DPYD: variants seen among roughly 807,000 people sequenced by gnomAD.
DPYD encodes the protein dihydropyrimidine dehydrogenase [NADP(+)].
In DPYD, 109 loss-of-function variants were observed where a neutral mutation model predicts 116.2. The observed-to-expected ratio is 0.94, with a 90% confidence interval of 0.80 to 1.10. The LOEUF (loss-of-function observed/expected upper bound fraction) is 1.10. Ranked by LOEUF, DPYD falls within the 50% of genes least tolerant of loss-of-function variation. The pLI is 0.00. For missense variants in DPYD, 1,302 were observed against 1,254.5 expected (o/e 1.04, Z -0.57); for synonymous variants, 440 against 432.0 (o/e 1.02, Z -0.23).
At chr1:97,553,427 T>A (rs1364476332) in intron 11 of DPYD, among the ~76,000 whole-genome samples, 2 of 152,016 alleles carry the variant, frequency 1.3e-5, no homozygotes, top group Non-Finnish European at 2.9e-5. Flanking sequence ...ATCCTCATCA[T>A]TGTAACTGTT....
intron 3 of DPYD, among the ~76,000 whole-genome samples, chr1:97,766,092 T>G (rs976428822): frequency 2.0e-5 from 3 of 151,910 alleles, no homozygotes; most frequent in Non-Finnish European, 4.4e-5. Flanking sequence ...ACACAAAAAA[T>G]TAGCCATGCG....
At chr1:97,128,070 C>T (rs2101659900) in intron 20 of DPYD, among the ~76,000 whole-genome samples, 1 of 152,242 alleles carries the variant, frequency 6.6e-6, no homozygotes, top group Non-Finnish European at 1.5e-5. Flanking sequence ...ATTAGTATTT[C>T]TATTCTGTAT....
intron 10 of DPYD, among the ~76,000 whole-genome samples, chr1:97,589,160 A>C (rs904206747): frequency 6.6e-6 from 1 of 152,242 alleles, no homozygotes; most frequent in Non-Finnish European, 1.5e-5. Context: ...TTGTCACTAC[A>C]GAGTCTATTG....
chr1:97,862,147 A>C lies in DPYD; in HGVS notation c.150+21117T>G, dbSNP rs575145976. On this transcript the variant is annotated intron_variant, in intron 2 of 22. Coordinates refer to ENST00000370192, the MANE Select transcript of DPYD (RefSeq NM_000110.4). ...TTTTTTAAAGGGGAATTTTCCTCCTAAATCACTACAGAAGACAATAAAATA... is the reference window on the plus strand; with the variant it reads ...TTTTTTAAAGGGGAATTTTCCTCCTCAATCACTACAGAAGACAATAAAATA... Among the ~76,000 whole-genome samples, 185 of 152,072 alleles carry C rather than the reference A, an allele frequency of 1.2e-3. No individual in the cohort carries two copies. In the Middle Eastern group the frequency reaches 0.024, roughly 20 times the overall value.
chr1:97,828,141 T>C lies in DPYD; in HGVS notation c.206A>G (p.Glu69Gly), dbSNP rs1257265643. Residue 69 changes from glutamate (E) to glycine (G), a missense_variant, in exon 3 of 23, where the codon GAG (glutamate) becomes GGG (glycine). Transcript: ENST00000370192. ...CATTGCTTCTCGGAGAGCTCCTCGC[T>C]CACCAAGAGTCGTGTGCTTGATGTC... Reference protein sequence around the residue: ...FDDIKHTTLGERGALREAMRC... With the variant: ...FDDIKHTTLGGRGALREAMRC... The C allele has an allele frequency of 1.2e-6, 2 of 1,613,810 alleles. No homozygotes were observed. Among genetic ancestry groups the C allele is most frequent in the East Asian group, 2.2e-5 (1 of 44,862 alleles).
chr1:97,244,317 A>G (rs1479372071), intron 18 of DPYD, among the ~76,000 whole-genome samples: 1 of 152,010 alleles, frequency 6.6e-6, no homozygotes, highest in Non-Finnish European at 1.5e-5. Context: ...ATAATCCCTG[A>G]CATTTGCAAA....
chr1:97,323,420 A>ATACATGTGTATATGTACACGTATG (rs912870621), intron 16 of DPYD, among the ~76,000 whole-genome samples: 1 of 72,584 alleles, frequency 1.4e-5, no homozygotes, highest in African/African-American at 4.6e-5. Flanking sequence ...GTACACGTAT[A>ATACATGTGTATATGTACACGTATG]TATACATATG....
intron 19 of DPYD, among the ~76,000 whole-genome samples, chr1:97,217,632 T>A (rs74104317): frequency 0.094 from 14,142 of 149,758 alleles, 760 homozygotes; most frequent in Middle Eastern, 0.13. Flanking sequence ...TGATTATCTG[T>A]ACCAAAAAAA....
At chr1:97,895,977 C>T (rs1673043019) in intron 1 of DPYD, among the ~76,000 whole-genome samples, 1 of 151,498 alleles carries the variant, frequency 6.6e-6, no homozygotes. Flanking sequence ...TAAGTTTATA[C>T]CTAAAGCAAG....
chr1:97,374,442 C>G (rs140879071), intron 15 of DPYD, among the ~76,000 whole-genome samples: 5,996 of 152,030 alleles, frequency 0.039, 157 homozygotes, highest in South Asian at 0.064. Context: ...TATTATAGGC[C>G]GGGCACAGTG....
intron 13 of DPYD, among the ~76,000 whole-genome samples, chr1:97,502,491 CA>C (rs1159167585): frequency 6.6e-6 from 1 of 151,832 alleles, no homozygotes; most frequent in African/African-American, 2.4e-5. Context: ...ATGATTTGTA[CA>C]AAGATTCTGG....
intron 2 of DPYD, among the ~76,000 whole-genome samples, chr1:97,876,454 A>G (rs776178397): frequency 3.3e-5 from 5 of 151,932 alleles, no homozygotes; most frequent in Non-Finnish European, 5.9e-5. Flanking sequence ...GCTTCCCAAC[A>G]TGGGGTTCCT....
At chr1:97,852,273 T>C (rs1224442380) in intron 2 of DPYD, among the ~76,000 whole-genome samples, 1 of 152,110 alleles carries the variant, frequency 6.6e-6, no homozygotes, top group Non-Finnish European at 1.5e-5. Context: ...AGTGCTATTA[T>C]AACATAACAG....
intron 2 of DPYD, among the ~76,000 whole-genome samples, chr1:97,862,578 T>A (rs1671172425): frequency 6.6e-6 from 1 of 151,876 alleles, no homozygotes; most frequent in Admixed American, 6.6e-5. Context: ...TGTCTATTTG[T>A]TTATTTCTTT....
At chr1:97,096,853 G>A (rs1049832406) in intron 21 of DPYD, among the ~76,000 whole-genome samples, 10 of 152,058 alleles carry the variant, frequency 6.6e-5, no homozygotes, top group Non-Finnish European at 1.0e-4. Flanking sequence ...TTCGCTCTTC[G>A]GAATAAATCT....
intron 20 of DPYD, among the ~76,000 whole-genome samples, chr1:97,107,629 T>C (rs987514320): frequency 6.6e-6 from 1 of 152,064 alleles, no homozygotes; most frequent in Non-Finnish European, 1.5e-5. Context: ...CTCTTCCTTA[T>C]TGCAAAGAAG....
At chr1:97,722,701 T>C (rs973501186) in intron 4 of DPYD, among the ~76,000 whole-genome samples, 1 of 151,612 alleles carries the variant, frequency 6.6e-6, no homozygotes, top group Non-Finnish European at 1.5e-5. Flanking sequence ...TAAGTACAGA[T>C]TCCTAGTGAT....
At chr1:97,358,243 A>G (rs1420380782) in intron 16 of DPYD, among the ~76,000 whole-genome samples, 2 of 152,204 alleles carry the variant, frequency 1.3e-5, no homozygotes, top group Non-Finnish European at 2.9e-5. Context: ...GCAGCCTGGC[A>G]GGTGGAGGGG....
intron 16 of DPYD, among the ~76,000 whole-genome samples, chr1:97,352,917 G>T (rs1020984992): frequency 6.6e-6 from 1 of 152,068 alleles, no homozygotes; most frequent in Non-Finnish European, 1.5e-5. Flanking sequence ...TAAGGCAAAC[G>T]ACGCATGACA....
Sources: allele counts gnomAD v4.1 joint callset (sites outside exome capture counted in the v4.1 genomes callset), GRCh38; gene constraint gnomAD v4.1.1; transcripts MANE v1.5; gene names NCBI Gene and HGNC (gene_info 2026-07-23, HGNC 2026-07-21).